The following IGFL2 variants were observed in gnomAD, a reference collection of about 807,000 sequenced individuals.
IGFL2 encodes insulin growth factor-like family member 2.
A neutral mutation model predicts 13.9 loss-of-function variants in IGFL2; 7 were observed. The observed-to-expected ratio is 0.51, with a 90% CI of 0.29 to 0.95. IGFL2 has a LOEUF of 0.95. IGFL2 is among the 40% of genes least tolerant of loss of function. IGFL2 has a pLI of 0.08. For synonymous variants in IGFL2, 55 were observed against 55.8 expected, an observed-to-expected ratio of 0.99 and a Z score of 0.07; for missense variants, 138 against 147.8, an observed-to-expected ratio of 0.93 and a Z score of 0.34.
At chr19:46,168,821 T>G in the IGFL2 span, among the ~76,000 whole-genome samples, 19 of 151,746 alleles carry the variant, frequency 1.3e-4, no homozygotes, top group Non-Finnish European at 2.4e-4. Context: ...TCCTTTAAGG[T>G]TGGCATATCC....
upstream of IGFL2, among the ~76,000 whole-genome samples, chr19:46,140,265 ATATC>A (rs1444854122): frequency 7.3e-6 from 1 of 137,608 alleles, no homozygotes; most frequent in Non-Finnish European, 1.6e-5. Context: ...ATATATATAT[ATATC>A]TCAAAATGGT....
At chr19:46,087,098 T>TGGA in the IGFL2 span, among the ~76,000 whole-genome samples, 1 of 152,188 alleles carries the variant, frequency 6.6e-6, no homozygotes, top group Non-Finnish European at 1.5e-5. Context: ...AGGCCAATCG[T>TGGA]TGGTCCTCCA....
chr19:46,148,826 T>A (rs1027458232), intron 1 of IGFL2: 184 of 1,477,770 alleles, frequency 1.2e-4, no homozygotes, highest in Non-Finnish European at 1.6e-4. Flanking sequence ...CTCTTCCAGA[T>A]ATTGGACTGT....
upstream of IGFL2, among the ~76,000 whole-genome samples, chr19:46,143,726 C>G (rs1345555878): frequency 6.6e-6 from 1 of 152,172 alleles, no homozygotes; most frequent in Non-Finnish European, 1.5e-5. Context: ...TCCCATTTGC[C>G]AGGCACTATA....
At chr19:46,129,952 C>T in the IGFL2 span, among the ~76,000 whole-genome samples, 2 of 152,110 alleles carry the variant, frequency 1.3e-5, no homozygotes, top group Admixed American at 1.3e-4. Flanking sequence ...CTAATACTGT[C>T]AGTGAGGTAT....
the IGFL2 span, among the ~76,000 whole-genome samples, chr19:46,085,959 C>T: frequency 6.6e-6 from 1 of 152,132 alleles, no homozygotes; most frequent in Non-Finnish European, 1.5e-5. Context: ...TATTTTATTG[C>T]TTTAATAGTG....
At chr19:46,101,724 C>T in the IGFL2 span, among the ~76,000 whole-genome samples, 1 of 152,170 alleles carries the variant, frequency 6.6e-6, no homozygotes, top group East Asian at 1.9e-4. Context: ...TGGCCCTCCT[C>T]CCCAGAACTC....
At chr19:46,147,571 A>G (rs1973204780), upstream of IGFL2, among the ~76,000 whole-genome samples, 1 of 152,180 alleles carries the variant, frequency 6.6e-6, no homozygotes, top group South Asian at 2.1e-4. Context: ...AACACCTAAA[A>G]GCCTCAACCC....
chr19:46,194,844 A>ATATATATG, the IGFL2 span, among the ~76,000 whole-genome samples: 1 of 33,146 alleles, frequency 3.0e-5, no homozygotes, highest in African/African-American at 1.0e-4. Context: ...ATATATATAT[A>ATATATATG]TATATATATT....
chr19:46,155,595 C>T (rs1456988457), intron 1 of IGFL2, among the ~76,000 whole-genome samples: 1 of 152,218 alleles, frequency 6.6e-6, no homozygotes, highest in African/African-American at 2.4e-5. Context: ...CACCCATGCT[C>T]TTCACACTGA....
At chr19:46,119,878 T>G in the IGFL2 span, among the ~76,000 whole-genome samples, 1 of 150,552 alleles carries the variant, frequency 6.6e-6, no homozygotes, top group African/African-American at 2.5e-5. Flanking sequence ...AGCACAACTG[T>G]GTACTGGCCC....
At chr19:46,143,555 C>G (rs1972958721), upstream of IGFL2, among the ~76,000 whole-genome samples, 1 of 152,046 alleles carries the variant, frequency 6.6e-6, no homozygotes, top group South Asian at 2.1e-4. Flanking sequence ...TGTGAGCCAC[C>G]AGGCCCAGCC....
chr19:46,203,224 G>A, the IGFL2 span: 1 of 152,216 alleles, frequency 6.6e-6, no homozygotes, highest in African/African-American at 2.4e-5. Context: ...TTGTCTAGGG[G>A]AGGAATGTCA....
chr19:46,090,453 G>T, the IGFL2 span, among the ~76,000 whole-genome samples: 1 of 152,166 alleles, frequency 6.6e-6, no homozygotes, highest in Admixed American at 6.5e-5. Flanking sequence ...GTCAACATCT[G>T]CATATTTTAA....
the IGFL2 span, among the ~76,000 whole-genome samples, chr19:46,180,020 C>T: frequency 6.6e-6 from 1 of 152,078 alleles, no homozygotes; most frequent in Non-Finnish European, 1.5e-5. Flanking sequence ...CACCATCTCT[C>T]CAGAAGACAA....
At chr19:46,115,252 C>T in the IGFL2 span, among the ~76,000 whole-genome samples, 1 of 152,324 alleles carries the variant, frequency 6.6e-6, no homozygotes, top group Admixed American at 6.5e-5. Context: ...AATCCTCACC[C>T]AGAATTCCTG....
At chr19:46,159,965 C>T (rs746864994) in intron 1 of IGFL2, 62 of 204,898 alleles carry the variant, frequency 3.0e-4, no homozygotes, top group Non-Finnish European at 5.1e-4. Context: ...AAGACCCTGT[C>T]TCAAAAAACA....
the IGFL2 span, among the ~76,000 whole-genome samples, chr19:46,181,934 A>T: frequency 2.2e-4 from 34 of 152,200 alleles, no homozygotes. Context: ...CCAGTCAGAC[A>T]TCATTTTCTT....
upstream of IGFL2, among the ~76,000 whole-genome samples, chr19:46,143,402 C>CTT (rs528215005): frequency 1.7e-4 from 24 of 139,350 alleles, no homozygotes; most frequent in African/African-American, 5.0e-4. Flanking sequence ...TCTTCTTCTT[C>CTT]TTTTTTTTTT....
Sources: gnomAD v4.1 joint callset for allele counts (sites outside exome capture counted in the v4.1 genomes callset) on GRCh38, gnomAD v4.1.1 for gene constraint, MANE v1.5 for transcripts, NCBI Gene and HGNC (gene_info 2026-07-23, HGNC 2026-07-21) for gene names.